PC: variants seen among roughly 807,000 people sequenced by gnomAD.
PC encodes the protein pyruvate carboxylase.
PC carries 46 observed loss-of-function variants against 107.8 expected under a neutral mutation model. The ratio of observed to expected loss-of-function variants is 0.43; its 90% CI spans 0.34 to 0.55. PC has a LOEUF of 0.55. Among genes scored for constraint, PC ranks in the 20% least tolerant of loss-of-function variants. PC has a pLI of 0.04. For missense variants in PC, 1,241 were observed against 1,643.1 expected (o/e 0.76, Z 4.23); for synonymous variants, 662 against 684.7 (o/e 0.97, Z 0.52).
intron 12 of PC, among the ~76,000 whole-genome samples, chr11:66,856,443 G>A (rs1364645461): frequency 1.3e-5 from 2 of 152,010 alleles, no homozygotes; most frequent in Non-Finnish European, 1.5e-5. Context: ...GCGCCTGCCC[G>A]GAGGCCAAGC....
At chr11:66,947,642 A>G (rs924950307) in intron 3 of PC, among the ~76,000 whole-genome samples, 2 of 151,912 alleles carry the variant, frequency 1.3e-5, no homozygotes, top group Non-Finnish European at 2.9e-5. Flanking sequence ...GGAAAGTGGG[A>G]AGGACTGCTT....
In PC at chr11:66,851,115, G is replaced by A. The variant is rs779251503; in HGVS notation, c.2148C>T (p.Thr716=). 1.2e-6 allele frequency: 2 copies of A among 1,613,122 alleles called. No homozygotes were observed. Among genetic ancestry groups the A allele is most frequent in the Non-Finnish European group, 1.7e-6 (2 of 1,180,006 alleles). ...CCATGTAGTACTGCAGTGAGTACTT[G>A]GTGCGGCTGGGGTCGGCCACGTCGC... is the stretch of plus-strand genomic sequence containing the variant. ...YTGDVADPSR[T]KYSLQYYMGL... Residue 716 remains threonine (T), a synonymous_variant, in exon 17 of 23, where the codon ACC becomes ACT. Coordinates refer to ENST00000393960, the MANE Select transcript of PC (RefSeq NM_001040716.2).
At chr11:66,873,246 A>T (rs1473113659) in intron 3 of PC, among the ~76,000 whole-genome samples, 1 of 146,324 alleles carries the variant, frequency 6.8e-6, no homozygotes, top group East Asian at 2.0e-4. Context: ...AGGGTGAGGC[A>T]TGAGAATCAC....
At chr11:66,918,281 T>C (rs1409231743) in intron 3 of PC, among the ~76,000 whole-genome samples, 1 of 147,536 alleles carries the variant, frequency 6.8e-6, no homozygotes, top group Admixed American at 6.7e-5. Flanking sequence ...ATGCCTATAA[T>C]ACCAGCACTT....
chr11:66,910,547 G>C (rs1469615169), intron 3 of PC, among the ~76,000 whole-genome samples: 1 of 152,232 alleles, frequency 6.6e-6, no homozygotes, highest in Non-Finnish European at 1.5e-5. Context: ...TAGGGAAGCA[G>C]AGAGAGCGTG....
chr11:66,928,632 T>A (rs1260893505), intron 3 of PC, among the ~76,000 whole-genome samples: 2 of 152,124 alleles, frequency 1.3e-5, no homozygotes, highest in Non-Finnish European at 2.9e-5. Flanking sequence ...TTCAAGCGAT[T>A]CTCTGGTCTC....
chr11:66,865,815 G>T (rs1381588675), intron 11 of PC, among the ~76,000 whole-genome samples: 1 of 152,144 alleles, frequency 6.6e-6, no homozygotes, highest in Non-Finnish European at 1.5e-5. Context: ...TGCCATGTCA[G>T]CCCATCCCTC....
At chr11:66,946,886 A>G (rs984971941) in intron 3 of PC, among the ~76,000 whole-genome samples, 4 of 152,208 alleles carry the variant, frequency 2.6e-5, no homozygotes, top group African/African-American at 9.6e-5. Context: ...TGACAAACAC[A>G]TGACAAGATG....
rs1197134823 is a variant in PC, at chr11:66,915,450, C to T, written c.-1+36980G>A. ...GACAGGAGATGGCTGAGGCCTTCTC[C>T]CTGCTGTGTCTCCAGCATGAAGCAT... is the stretch of plus-strand genomic sequence containing the variant. On this transcript the variant is annotated intron_variant, in intron 3 of 22. Coordinates refer to ENST00000393960, the MANE Select transcript of PC (RefSeq NM_001040716.2). 1.5e-4 allele frequency among the ~76,000 whole-genome samples: 23 copies of T among 152,212 alleles called. 1 individual carries two copies. The highest frequency in any genetic ancestry group is 1.5e-5 in the Non-Finnish European group (1 of 68,040).
In PC at chr11:66,851,903, G is replaced by C. The variant is rs1209606131; in HGVS notation, c.1869C>G (p.Pro623=). The C allele has an allele frequency of 6.2e-7, 1 of 1,614,088 alleles. No homozygotes were observed. The highest frequency in any genetic ancestry group is 1.1e-5 in the South Asian group (1 of 91,080). The change falls in exon 16 of 23, where the codon CCC becomes CCG. Residue 623 remains proline, a synonymous_variant. Transcript: ENST00000393960. The part of the protein sequence containing the change: ...DVAMRFLYEC[P]WRRLQELREL... ...CCCGGAGCTCCTGCAGCCGCCGCCA[G>C]GGGCACTCATACAGGAAGCGCATGG...
chr11:66,921,680 A>G (rs765865956), intron 3 of PC, among the ~76,000 whole-genome samples: 6 of 152,018 alleles, frequency 3.9e-5, no homozygotes, highest in Non-Finnish European at 8.8e-5. Flanking sequence ...CAAGCAGTTC[A>G]CCCCTTGGAG....
chr11:66,949,107 C>T (rs1259977972), intron 3 of PC, among the ~76,000 whole-genome samples: 2 of 151,260 alleles, frequency 1.3e-5, no homozygotes, highest in African/African-American at 2.4e-5. Flanking sequence ...ATTCTCCTGC[C>T]TCAGCCTCCC....
chr11:66,899,063 T>A (rs1033797197), intron 3 of PC, among the ~76,000 whole-genome samples: 1 of 151,880 alleles, frequency 6.6e-6, no homozygotes, highest in Non-Finnish European at 1.5e-5. Flanking sequence ...AGAGACGGGG[T>A]TTCTCCATAT....
At chr11:66,861,036 C>T (rs192056046) in intron 12 of PC, among the ~76,000 whole-genome samples, 73 of 152,342 alleles carry the variant, frequency 4.8e-4, no homozygotes, top group African/African-American at 8.9e-4. Flanking sequence ...GCCATCAGCC[C>T]GTGATCCTCT....
chr11:66,849,440 A>T, intron 21 of PC, 70 bp from the exon 22 acceptor site: 1 of 1,607,772 alleles, frequency 6.2e-7, no homozygotes, highest in East Asian at 2.2e-5. Context: ...CCCTGGCCAT[A>T]GGAAGTCCCC....
intron 3 of PC, among the ~76,000 whole-genome samples, chr11:66,872,787 G>A (rs1438541616): frequency 1.3e-5 from 2 of 151,972 alleles, no homozygotes; most frequent in East Asian, 1.9e-4. Context: ...TGTAATCCCA[G>A]CACTTTGGGA....
At chr11:66,894,732 G>C (rs1284484881) in intron 3 of PC, among the ~76,000 whole-genome samples, 1 of 152,194 alleles carries the variant, frequency 6.6e-6, no homozygotes, top group Non-Finnish European at 1.5e-5. Flanking sequence ...CTTTCAAAAA[G>C]CAATCAGGGC....
At chr11:66,954,496 G>C (rs1239617690) in intron 1 of PC, 60 bp from the exon 2 acceptor site, 1 of 152,334 alleles carries the variant, frequency 6.6e-6, no homozygotes, top group Non-Finnish European at 1.5e-5. Context: ...AGAGTGAGCA[G>C]GCAAAATGCC....
intron 12 of PC, chr11:66,856,913 G>A (rs1033236943): frequency 6.1e-5 from 9 of 146,732 alleles, no homozygotes; most frequent in Non-Finnish European, 1.4e-4. Flanking sequence ...GGCCCGCGCC[G>A]GCCCGGGCCT....
Sources: allele counts gnomAD v4.1 joint callset (sites outside exome capture counted in the v4.1 genomes callset), GRCh38; gene constraint gnomAD v4.1.1; transcripts MANE v1.5; gene names NCBI Gene and HGNC (gene_info 2026-07-23, HGNC 2026-07-21).